PLCH1: variants seen among roughly 807,000 people sequenced by gnomAD.
The protein encoded by PLCH1 is phospholipase C eta 1.
In PLCH1, 60 loss-of-function variants were observed where a neutral mutation model predicts 126.7. That is an observed-to-expected ratio of 0.47 (90% CI 0.38 to 0.59). The LOEUF (loss-of-function observed/expected upper bound fraction) is 0.59, where lower values mean the gene tolerates loss of function less well. Among genes scored for constraint, PLCH1 ranks in the 20% least tolerant of loss-of-function variants. The probability of loss-of-function intolerance (pLI) is 0.00; values close to 1 mark genes in which losing one functional copy is unlikely to be tolerated. For synonymous variants in PLCH1, 719 were observed against 734.9 expected (o/e 0.98, Z 0.35); for missense variants, 1,723 against 2,040.0 (o/e 0.84, Z 2.99).
intron 1 of PLCH1, among the ~76,000 whole-genome samples, chr3:155,723,781 C>T (rs1577370441): frequency 6.6e-6 from 1 of 151,912 alleles, no homozygotes; most frequent in East Asian, 1.9e-4. Context: ...TGGTGAAACC[C>T]TGGCTCTACT....
chr3:155,578,169 G>T (rs925517456), intron 6 of PLCH1, among the ~76,000 whole-genome samples: 3 of 152,172 alleles, frequency 2.0e-5, no homozygotes, highest in Non-Finnish European at 4.4e-5. Context: ...GAGGAGTAAA[G>T]ATGTAGAAAG....
At chr3:155,589,209 C>A (rs1040746202) in intron 4 of PLCH1, among the ~76,000 whole-genome samples, 7 of 151,952 alleles carry the variant, frequency 4.6e-5, no homozygotes, top group African/African-American at 1.7e-4. Flanking sequence ...CTGTAAAGGG[C>A]CTGATAGTGA....
chr3:155,612,602 T>C (rs1397925624), intron 2 of PLCH1, among the ~76,000 whole-genome samples: 2 of 151,576 alleles, frequency 1.3e-5, no homozygotes, highest in Non-Finnish European at 2.9e-5. Context: ...TAGACCATTA[T>C]CAAGATTAAC....
intron 2 of PLCH1, among the ~76,000 whole-genome samples, chr3:155,656,360 T>G (rs995175549): frequency 7.2e-5 from 11 of 152,204 alleles, no homozygotes; most frequent in African/African-American, 2.7e-4. Flanking sequence ...AAACTTTATT[T>G]CATAAAAGAT....
intron 2 of PLCH1, among the ~76,000 whole-genome samples, chr3:155,667,364 G>C (rs1486688504): frequency 1.3e-5 from 2 of 152,156 alleles, no homozygotes; most frequent in Non-Finnish European, 2.9e-5. Context: ...GGAATGGGTT[G>C]CATGTGAGAA....
chr3:155,546,183 A>G (rs1459329332), intron 10 of PLCH1, among the ~76,000 whole-genome samples: 1 of 152,224 alleles, frequency 6.6e-6, no homozygotes, highest in Admixed American at 6.5e-5. Context: ...AAGCAACTTC[A>G]GCAAAGTCTC....
chr3:155,657,860 AAAGGCTAAGTC>A (rs1741616363), intron 2 of PLCH1: 1 of 152,230 alleles, frequency 6.6e-6, no homozygotes, highest in South Asian at 2.1e-4. Flanking sequence ...TCAAGGTGAA[AAAGGCTAAGTC>A]AAGGCGAAAA....
At chr3:155,690,736 A>T (rs900175190) in intron 2 of PLCH1, among the ~76,000 whole-genome samples, 13 of 152,080 alleles carry the variant, frequency 8.5e-5, no homozygotes, top group African/African-American at 3.1e-4. Flanking sequence ...CCTCACACCC[A>T]TCCTTTTTCC....
At chr3:155,725,433 A>T (rs1295948067) in intron 1 of PLCH1, among the ~76,000 whole-genome samples, 1 of 146,774 alleles carries the variant, frequency 6.8e-6, no homozygotes, top group Admixed American at 6.9e-5. Flanking sequence ...AACATTCTGT[A>T]TCCTTATATT....
intron 5 of PLCH1, among the ~76,000 whole-genome samples, chr3:155,584,881 G>C (rs1731156811): frequency 6.6e-6 from 1 of 152,072 alleles, no homozygotes; most frequent in South Asian, 2.1e-4. Flanking sequence ...CATTGAATCA[G>C]CAGCTACCTC....
intron 2 of PLCH1, among the ~76,000 whole-genome samples, chr3:155,653,903 C>A (rs1347199031): frequency 6.6e-6 from 1 of 151,922 alleles, no homozygotes; most frequent in Non-Finnish European, 1.5e-5. Flanking sequence ...ATCCTATATC[C>A]CTCCCTAGTG....
chr3:155,596,584 A>G (rs2108655848), intron 2 of PLCH1, among the ~76,000 whole-genome samples: 1 of 152,214 alleles, frequency 6.6e-6, no homozygotes, highest in East Asian at 1.9e-4. Context: ...AACAGAAAAA[A>G]AAAAAAAAAA....
intron 1 of PLCH1, among the ~76,000 whole-genome samples, chr3:155,739,507 C>T (rs1289936715): frequency 6.6e-6 from 1 of 152,050 alleles, no homozygotes; most frequent in Admixed American, 6.5e-5. Flanking sequence ...TTTCTGGAAC[C>T]AGACCTGAAT....
At chr3:155,587,189 T>C (rs1234171977) in intron 4 of PLCH1, among the ~76,000 whole-genome samples, 3 of 152,208 alleles carry the variant, frequency 2.0e-5, no homozygotes, top group African/African-American at 7.2e-5. Flanking sequence ...TACATCTCTC[T>C]GACACTTTCT....
chr3:155,523,662 G>T (rs1246817446), intron 11 of PLCH1, among the ~76,000 whole-genome samples: 1 of 152,200 alleles, frequency 6.6e-6, no homozygotes, highest in Admixed American at 6.5e-5. Flanking sequence ...TGGAGAGAGG[G>T]TTGAATGAAT....
At position 155,729,517 on chromosome 3, in the gene PLCH1, T is replaced by C. The variant is rs530447600; in HGVS notation, c.-41+15323A>G. Among the ~76,000 whole-genome samples, 5 of 152,290 alleles carry C rather than the reference T, an allele frequency of 3.3e-5. No individual in the cohort carries two copies. In the East Asian group the frequency reaches 9.6e-4, roughly 29 times the overall value. ...GGAGGGTTGCATGGGAAGGACATTT[T>C]AGTAGGAAGGAACAGTAGATGCTCA... On this transcript the variant is annotated intron_variant, in intron 1 of 22. Transcript: ENST00000460012.
intron 2 of PLCH1, among the ~76,000 whole-genome samples, chr3:155,621,170 C>T (rs1262526531): frequency 1.3e-5 from 2 of 152,034 alleles, no homozygotes; most frequent in Non-Finnish European, 2.9e-5. Flanking sequence ...AGCAGAGGGG[C>T]CTGACTGTTA....
At chr3:155,622,982 A>G (rs1736718550) in intron 2 of PLCH1, among the ~76,000 whole-genome samples, 2 of 152,302 alleles carry the variant, frequency 1.3e-5, no homozygotes, top group East Asian at 3.9e-4. Flanking sequence ...AACACATCGC[A>G]CTTATTCTAA....
intron 2 of PLCH1, among the ~76,000 whole-genome samples, chr3:155,690,090 G>A (rs192661328): frequency 2.8e-3 from 430 of 151,436 alleles, no homozygotes; most frequent in Non-Finnish European, 4.4e-3. Flanking sequence ...GCGCCAATAC[G>A]TCTTGCAGCA....
Sources: allele counts gnomAD v4.1 joint callset (sites outside exome capture counted in the v4.1 genomes callset), GRCh38; gene constraint gnomAD v4.1.1; transcripts MANE v1.5; gene names NCBI Gene and HGNC (gene_info 2026-07-23, HGNC 2026-07-21).